QRICH2: variants seen among roughly 807,000 people sequenced by gnomAD.
QRICH2 encodes glutamine rich 2.
A neutral mutation model predicts 168.3 loss-of-function variants in QRICH2; 119 were observed. That is an observed-to-expected ratio of 0.71 (90% CI 0.61 to 0.82). The LOEUF is 0.82. Ranked by LOEUF, QRICH2 falls within the 40% of genes least tolerant of loss-of-function variation. The probability of loss-of-function intolerance (pLI) is 0.00; values close to 1 mark genes in which losing one functional copy is unlikely to be tolerated. For missense variants in QRICH2, 2,241 were observed against 2,491.6 expected, an observed-to-expected ratio of 0.90 and a Z score of 2.14; for synonymous variants, 894 against 951.2, an observed-to-expected ratio of 0.94 and a Z score of 1.11.
Position 76,278,106 on chromosome 17 carries a change from T to C in QRICH2, c.5000A>G (p.Lys1667Arg), listed in dbSNP as rs1182392229. 6.2e-7 allele frequency: 1 copy of C among 1,613,716 alleles called. No homozygotes were observed. Among genetic ancestry groups the C allele is most frequent in the Admixed American group, 1.7e-5 (1 of 60,034 alleles). ...SVGRLRSMHS[K>R]MLMNIEKVQI... ...CACCTTCTCAATGTTCATCAGCATC[T>C]TGGAGTGCATGGAGCGCAGGCGCCC... is the stretch of plus-strand genomic sequence containing the variant. Residue 1667 changes from lysine (K) to arginine (R), a missense_variant, in exon 15 of 19, where the codon AAG becomes AGG. Transcript: ENST00000680821.
chr17:76,307,514 C>T lies in QRICH2; in HGVS notation c.485G>A (p.Arg162Gln). 1.9e-6 allele frequency: 3 copies of T among 1,613,112 alleles called. No homozygotes were observed. Among genetic ancestry groups the T allele is most frequent in the South Asian group, 1.1e-5 (1 of 90,890 alleles). ...GGCGTCCTTCATGATACTCCCAGTC[C>T]GCACCCTATCGAACGCCCGCACGCC... ...EVGVRAFDRVRTGSIMKDAAE... is the reference protein window; with the variant it reads ...EVGVRAFDRVQTGSIMKDAAE... Residue 162 changes from arginine to glutamine, a missense_variant, in exon 1 of 19, where the codon CGG (arginine) becomes CAG (glutamine). Around this residue, in one of 3 missense-constraint regions of QRICH2, gnomAD observed 2,047 missense variants for 2,303.8 expected, o/e 0.89. Transcript: ENST00000680821. The surrounding 1 kb of genome is among the most constrained non-coding windows in gnomAD (Gnocchi z 5.3).
In QRICH2 at chr17:76,274,155, T is replaced by C. The variant is rs759532422; in HGVS notation, c.5588A>G (p.Glu1863Gly). Residue 1863 changes from glutamate (E) to glycine (G), a missense_variant, in exon 19 of 19, where the codon GAG becomes GGG. Transcript: ENST00000680821. ...CCCAGGAGGCATGTCCACGTGCCTC[T>C]CCAGCCCCCTGTTTGCCACCGCGGC... ...SSAAVANRGLERHVDMPPGEG... is the reference protein window; with the variant it reads ...SSAAVANRGLGRHVDMPPGEG... The C allele has an allele frequency of 2.5e-6, 4 of 1,583,466 alleles. No individual in the cohort carries two copies. In the Admixed American group the frequency reaches 7.8e-5, roughly 31 times the overall value.
In QRICH2 at chr17:76,291,918, A is replaced by G; in HGVS notation, c.2809T>C (p.Tyr937His). Residue 937 changes from tyrosine to histidine, a missense_variant, in exon 4 of 19, where the codon TAT (tyrosine) becomes CAT (histidine). Tyr to His is a moderately conservative substitution (Grantham distance 83). Coordinates refer to ENST00000680821, the MANE Select transcript of QRICH2 (RefSeq NM_001388453.1). ...DPHGLVQPGAYPLGLVQPGAY... is the reference protein window; with the variant it reads ...DPHGLVQPGAHPLGLVQPGAY... ...CCAGGTTGTACCAAACCAAGAGGAT[A>G]GGCACCAGGTTGTACCAGGCCATGT... The G allele has an allele frequency of 6.2e-7, 1 of 1,614,026 alleles. No homozygotes were observed. Among genetic ancestry groups the G allele is most frequent in the Non-Finnish European group, 8.5e-7 (1 of 1,179,992 alleles).
chr17:76,287,979 G>A, intron 5 of QRICH2, 82 bp from the exon 6 acceptor site: 1 of 1,117,590 alleles, frequency 8.9e-7, no homozygotes, highest in Non-Finnish European at 1.4e-6. Context: ...GCTCATGCCA[G>A]CCCTCCCCGT....
chr17:76,293,432 A>C lies in QRICH2; in HGVS notation c.1295T>G (p.Leu432Trp). 2.5e-6 allele frequency: 4 copies of C among 1,614,208 alleles called. No homozygotes were observed. Among genetic ancestry groups the C allele is most frequent in the Non-Finnish European group, 3.4e-6 (4 of 1,180,036 alleles). The change falls in exon 4 of 19, where the codon TTG (leucine) becomes TGG (tryptophan). Residue 432 changes from leucine to tryptophan, a missense_variant. By Grantham distance (61) the Leu-to-Trp change is moderately conservative. This residue lies in a region of QRICH2 where 2,047 missense variants were observed against 2,303.8 expected (regional missense o/e 0.89). Coordinates refer to ENST00000680821, the MANE Select transcript of QRICH2 (RefSeq NM_001388453.1). ...TTGCTCATCCACGACAAATGGTATC[A>C]ATTCCCGATCATCCATTTCAGGTGG... ...VPPPEMDDRE[L>W]IPFVVDEQRM...
intron 15 of QRICH2, among the ~76,000 whole-genome samples, chr17:76,277,645 C>T (rs1425499432): frequency 6.6e-6 from 1 of 151,936 alleles, no homozygotes; most frequent in South Asian, 2.1e-4. Flanking sequence ...CATATACATA[C>T]ATACTCATAC....
chr17:76,303,056 G>T (rs898319616), intron 3 of QRICH2, among the ~76,000 whole-genome samples: 3 of 151,906 alleles, frequency 2.0e-5, no homozygotes, highest in Non-Finnish European at 2.9e-5. Flanking sequence ...CCTAATTTTT[G>T]TATTTTTGGT....
rs754122937 is a variant in QRICH2, at chr17:76,274,065, A to G, written c.*14T>C. On this transcript the variant is annotated 3_prime_UTR_variant, in exon 19 of 19. Coordinates refer to ENST00000680821, the MANE Select transcript of QRICH2 (RefSeq NM_001388453.1). Reference sequence around the variant, plus strand: ...CACCTAAGCTTCCTCCTGAATGTTTATTTACACCTCCGCTCACTGAGCGGT... The same window carrying G: ...CACCTAAGCTTCCTCCTGAATGTTTGTTTACACCTCCGCTCACTGAGCGGT... The G allele has an allele frequency of 4.6e-6, 7 of 1,510,210 alleles. No homozygotes were observed. Among genetic ancestry groups the G allele is most frequent in the South Asian group, 1.2e-5 (1 of 80,872 alleles). The allele number at this position is 1,510,210 out of a possible 1,614,324, so 93.6% of individuals were successfully genotyped here. A position where few individuals can be genotyped will look rare whatever the true frequency, so the allele number is the denominator to read the frequency against.
At position 76,307,706 on chromosome 17, in the gene QRICH2, G is replaced by A; in HGVS notation, c.293C>T (p.Ala98Val). The A allele has an allele frequency of 2.1e-6, 3 of 1,431,006 alleles. No individual in the cohort carries two copies. The highest frequency in any genetic ancestry group is 2.6e-4 in the Middle Eastern group (1 of 3,866). The allele number at this position is 1,431,006 out of a possible 1,614,324, so 88.6% of individuals were successfully genotyped here. A position where few individuals can be genotyped will look rare whatever the true frequency, so the allele number is the denominator to read the frequency against. ...CAGGTCCTTCACTTGGCTCTCCAGC[G>A]CTGACGAAGGCGCCTGGCCCACGCC... ...RRGVGQAPSS[A>V]LESQVKDLGG... The change falls in exon 1 of 19, where the codon GCG becomes GTG. Residue 98 changes from alanine to valine, a missense_variant. This residue lies in a region of QRICH2 where 2,047 missense variants were observed against 2,303.8 expected (regional missense o/e 0.89). Transcript: ENST00000680821. This position sits in a 1 kb window ranked among gnomAD's most constrained non-coding sequence, Gnocchi z 5.3.
intron 1 of QRICH2, among the ~76,000 whole-genome samples, chr17:76,306,652 C>T (rs1393663704): frequency 2.0e-5 from 3 of 152,124 alleles, no homozygotes; most frequent in African/African-American, 2.4e-5. Context: ...TTTGGGAGGC[C>T]GAGGCGGGCA....
In QRICH2 at chr17:76,274,177, C is replaced by T. The variant is rs73350373; in HGVS notation, c.5566G>A (p.Ala1856Thr). 19 of 1,585,802 alleles carry T rather than the reference C, an allele frequency of 1.2e-5. No homozygotes were observed. Among genetic ancestry groups the T allele is most frequent in the South Asian group, 1.0e-4 (9 of 87,206 alleles). ...CTCTCCAGCCCCCTGTTTGCCACCG[C>T]GGCGGAGCTGGGCGGGTGGGCTGTG... Reference protein sequence around the residue: ...PNTAHPPSSAAVANRGLERHV... With the variant: ...PNTAHPPSSATVANRGLERHV... The change falls in exon 19 of 19, where the codon GCG (alanine) becomes ACG (threonine). Residue 1856 changes from alanine (A) to threonine (T), a missense_variant. Physicochemically the swap from Ala to Thr is moderately conservative, Grantham distance 58 (BLOSUM62 0). Transcript: ENST00000680821.
intron 3 of QRICH2, among the ~76,000 whole-genome samples, chr17:76,297,521 AT>A (rs1257930907): frequency 8.7e-5 from 13 of 149,702 alleles, no homozygotes; most frequent in African/African-American, 3.0e-4. Flanking sequence ...GAAAAAAAAA[AT>A]ACAAAAATAT....
Position 76,308,002 on chromosome 17 carries a change from G to T in QRICH2, c.-4C>A, listed in dbSNP as rs2071018206. On this transcript the variant is annotated 5_prime_UTR_variant, in exon 1 of 19. Transcript: ENST00000680821. Reference sequence around the variant, plus strand: ...AGACCGTGGTCGCGGGCGGCATCGTGGCTGTCAGGAGCTGTGCGCCGCCGC... The same window carrying T: ...AGACCGTGGTCGCGGGCGGCATCGTTGCTGTCAGGAGCTGTGCGCCGCCGC... 1 of 1,233,322 alleles carries T rather than the reference G, an allele frequency of 8.1e-7. No homozygotes were observed. The highest frequency in any genetic ancestry group is 1.0e-6 in the Non-Finnish European group (1 of 988,574). 76.4% of individuals were successfully genotyped at this position (1,233,322 alleles called of 1,614,324 possible).
At chr17:76,295,142 C>T (rs976108495) in intron 3 of QRICH2, among the ~76,000 whole-genome samples, 1 of 151,726 alleles carries the variant, frequency 6.6e-6, no homozygotes, top group Non-Finnish European at 1.5e-5. Flanking sequence ...GCCTGTCGTC[C>T]CAGCTACTTG....
chr17:76,292,361 C>G lies in QRICH2; in HGVS notation c.2366G>C (p.Arg789Pro), dbSNP rs370298772. 4.4e-6 allele frequency: 7 copies of G among 1,573,424 alleles called. No individual in the cohort carries two copies. The highest frequency in any genetic ancestry group is 6.0e-6 in the Non-Finnish European group (7 of 1,166,604). Residue 789 changes from arginine to proline, a missense_variant, in exon 4 of 19, where the codon CGT (arginine) becomes CCT (proline). Physicochemically the swap from Arg to Pro is moderately radical, Grantham distance 103. Around this residue, in one of 3 missense-constraint regions of QRICH2, gnomAD observed 2,047 missense variants for 2,303.8 expected, o/e 0.89. Coordinates refer to ENST00000680821, the MANE Select transcript of QRICH2 (RefSeq NM_001388453.1). ...HGLAQPGEVQ[R>P]SLVQPGIVQR... The stretch of plus-strand genomic sequence containing the variant: ...AACTATACCAGGTTGCACCAAACTA[C>G]GCTGAACTTCACCAGGTTGTGCCAA...
rs907022457 is a variant in QRICH2 at position 76,284,472 on chromosome 17, A to G, written c.4012-2357T>C. Among the ~76,000 whole-genome samples, 36 of 106,728 alleles carry G rather than the reference A, an allele frequency of 3.4e-4. 1 individual carries two copies. Among genetic ancestry groups the G allele is most frequent in the Non-Finnish European group, 5.7e-4 (33 of 58,324 alleles). The allele number at this position is 106,728 out of a possible 152,430, so 70.0% of individuals were successfully genotyped here. Reference sequence around the variant, plus strand: ...TCAACTCAACAATAAAATGACAAATAACTCACCTGAAAAAATGGATGAAGG... The same window carrying G: ...TCAACTCAACAATAAAATGACAAATGACTCACCTGAAAAAATGGATGAAGG... On this transcript the variant is annotated intron_variant, in intron 7 of 18. Transcript: ENST00000680821.
intron 7 of QRICH2, among the ~76,000 whole-genome samples, chr17:76,285,877 A>C (rs1208884054): frequency 6.6e-6 from 1 of 151,544 alleles, no homozygotes; most frequent in Non-Finnish European, 1.5e-5. Context: ...AACAACAAAA[A>C]AACAACTTAT....
chr17:76,301,989 C>T (rs1458115849), intron 3 of QRICH2, among the ~76,000 whole-genome samples: 2 of 151,890 alleles, frequency 1.3e-5, no homozygotes, highest in Non-Finnish European at 2.9e-5. Context: ...AACTTCGTTT[C>T]CCGGGTTCAA....
At chr17:76,295,620 G>A (rs1398067974) in intron 3 of QRICH2, among the ~76,000 whole-genome samples, 1 of 152,164 alleles carries the variant, frequency 6.6e-6, no homozygotes, top group African/African-American at 2.4e-5. Context: ...TCCAGCCTGT[G>A]CAACAGAGCG....
Sources: allele counts gnomAD v4.1 joint callset (sites outside exome capture counted in the v4.1 genomes callset), GRCh38; gene constraint gnomAD v4.1.1; regional missense constraint gnomAD v4.1.1; non-coding constraint Gnocchi (gnomAD v3.1); transcripts MANE v1.5; gene names NCBI Gene and HGNC (gene_info 2026-07-23, HGNC 2026-07-21).